ATRNL1: variants seen among roughly 807,000 people sequenced by gnomAD.
The protein encoded by ATRNL1 is attractin-like protein 1.
ATRNL1 carries 95 observed loss-of-function variants against 182.7 expected under a neutral mutation model. The observed-to-expected ratio is 0.52, with a 90% CI of 0.44 to 0.62. ATRNL1 has a LOEUF of 0.62. ATRNL1 is among the 20% of genes least tolerant of loss of function. The pLI is 0.00. For missense variants in ATRNL1, 1,471 were observed against 1,679.5 expected (o/e 0.88, Z 2.17); for synonymous variants, 576 against 568.3 (o/e 1.01, Z -0.19).
At chr10:115,853,346 ATGGTTTATAG>A (rs1271664055) in intron 28 of ATRNL1, among the ~76,000 whole-genome samples, 3 of 152,212 alleles carry the variant, frequency 2.0e-5, no homozygotes, top group Non-Finnish European at 4.4e-5. Flanking sequence ...AAAGATGTAG[ATGGTTTATAG>A]TGCCCCTATT....
At chr10:115,635,372 T>A (rs1219789749) in intron 26 of ATRNL1, among the ~76,000 whole-genome samples, 2 of 149,232 alleles carry the variant, frequency 1.3e-5, no homozygotes, top group Non-Finnish European at 3.0e-5. Context: ...AGACACCCAA[T>A]AGGCATATGT....
chr10:115,132,125 C>T (rs1845271426), intron 5 of ATRNL1, among the ~76,000 whole-genome samples: 1 of 151,398 alleles, frequency 6.6e-6, no homozygotes, highest in Admixed American at 6.6e-5. Flanking sequence ...GTTCCCCTTC[C>T]TGTGTCCAAG....
At chr10:115,601,377 A>T (rs1555015880) in intron 26 of ATRNL1, among the ~76,000 whole-genome samples, 1 of 152,200 alleles carries the variant, frequency 6.6e-6, no homozygotes, top group African/African-American at 2.4e-5. Context: ...TTGTAATGTC[A>T]ATTAGATTAG....
intron 28 of ATRNL1, among the ~76,000 whole-genome samples, chr10:115,899,156 T>A (rs1424603298): frequency 1.3e-5 from 2 of 152,124 alleles, no homozygotes; most frequent in Non-Finnish European, 2.9e-5. Context: ...CATTCCTGTG[T>A]CCAGGTGTTC....
At chr10:115,133,326 T>C (rs1233969550) in intron 5 of ATRNL1, among the ~76,000 whole-genome samples, 1 of 152,146 alleles carries the variant, frequency 6.6e-6, no homozygotes, top group Non-Finnish European at 1.5e-5. Context: ...GCTGTTTTGG[T>C]TACTATAGCC....
At chr10:115,861,808 T>C (rs1321250382) in intron 28 of ATRNL1, among the ~76,000 whole-genome samples, 3 of 152,108 alleles carry the variant, frequency 2.0e-5, no homozygotes, top group African/African-American at 7.2e-5. Flanking sequence ...TCTTTTTCCT[T>C]TTCTCAAAAA....
intron 28 of ATRNL1, among the ~76,000 whole-genome samples, chr10:115,888,453 C>G (rs1014637028): frequency 6.6e-6 from 1 of 152,132 alleles, no homozygotes; most frequent in African/African-American, 2.4e-5. Context: ...AGGTCCTTAC[C>G]GCTCTGGCTC....
chr10:115,244,260 G>T (rs1592314050), intron 10 of ATRNL1, among the ~76,000 whole-genome samples: 1 of 151,918 alleles, frequency 6.6e-6, no homozygotes, highest in African/African-American at 2.4e-5. Flanking sequence ...TTTTATTGTT[G>T]CAAAATGTAT....
intron 1 of ATRNL1, among the ~76,000 whole-genome samples, chr10:115,094,940 G>C (rs992109332): frequency 6.6e-6 from 1 of 152,208 alleles, no homozygotes; most frequent in Non-Finnish European, 1.5e-5. Context: ...TTCACTGTCA[G>C]CTTTTGTGCG....
rs566091561 is a variant in ATRNL1, at chr10:115,820,532, C to A, written c.3904-27345C>A. On this transcript the variant is annotated intron_variant, in intron 27 of 28. Transcript: ENST00000355044. ...GGATATTCGTGATTTAAAAACTGAT[C>A]TCTGATAGTTTGTTTTTTCCTAATG... 3.3e-5 allele frequency: 5 copies of A among 152,242 alleles called. No individual in the cohort carries two copies. The East Asian group carries it at 9.7e-4, about 29-fold the overall frequency. 9.4% of individuals were successfully genotyped at this position (152,242 alleles called of 1,614,324 possible). A position where few individuals can be genotyped will look rare whatever the true frequency, so the allele number is the denominator to read the frequency against.
At chr10:115,545,952 A>T (rs1554993553) in intron 25 of ATRNL1, among the ~76,000 whole-genome samples, 1 of 152,224 alleles carries the variant, frequency 6.6e-6, no homozygotes. Context: ...TAGACAGTTT[A>T]CTTCAACTCT....
At chr10:115,746,109 C>T (rs2134108165) in intron 27 of ATRNL1, among the ~76,000 whole-genome samples, 1 of 152,070 alleles carries the variant, frequency 6.6e-6, no homozygotes, top group Admixed American at 6.6e-5. Flanking sequence ...AGAGATAAGT[C>T]ATATCACTCA....
rs76608066 is a variant in ATRNL1, at chr10:115,880,799, T to C, written c.4018+32808T>C. On this transcript the variant is annotated intron_variant, in intron 28 of 28. Coordinates refer to ENST00000355044, the MANE Select transcript of ATRNL1 (RefSeq NM_207303.4). ...GTACGAGTAGTTAAACCCTTTATGC[T>C]CTTAAGTATTTATCTTGCTGCAATG... Among the ~76,000 whole-genome samples, 13 of 152,316 alleles carry C rather than the reference T, an allele frequency of 8.5e-5. No individual in the cohort carries two copies. In the East Asian group the frequency reaches 2.3e-3, roughly 27 times the overall value.
At chr10:115,632,028 A>G (rs190418124) in intron 26 of ATRNL1, among the ~76,000 whole-genome samples, 283 of 152,256 alleles carry the variant, frequency 1.9e-3, no homozygotes, top group Non-Finnish European at 2.2e-3. Flanking sequence ...ATGCTAGCTA[A>G]AAAGGATTCT....
intron 26 of ATRNL1, among the ~76,000 whole-genome samples, chr10:115,646,931 T>A (rs1859655310): frequency 7.1e-6 from 1 of 141,544 alleles, no homozygotes; most frequent in Non-Finnish European, 1.5e-5. Flanking sequence ...CTCCTAATGC[T>A]AGCCCTCCCC....
chr10:115,734,920 T>G (rs1292866784), intron 27 of ATRNL1, among the ~76,000 whole-genome samples: 1 of 152,156 alleles, frequency 6.6e-6, no homozygotes, highest in Non-Finnish European at 1.5e-5. Context: ...AGTCAAAAAT[T>G]AATGAACATT....
chr10:115,330,475 C>T (rs1855154402), intron 18 of ATRNL1, among the ~76,000 whole-genome samples: 2 of 151,886 alleles, frequency 1.3e-5, no homozygotes, highest in South Asian at 4.1e-4. Context: ...GTTCTGGTTG[C>T]AAGGGTTTTC....
At chr10:115,806,949 T>G (rs1949933448) in intron 27 of ATRNL1, among the ~76,000 whole-genome samples, 1 of 152,134 alleles carries the variant, frequency 6.6e-6, no homozygotes, top group South Asian at 2.1e-4. Flanking sequence ...AAAAATCATC[T>G]TACTTTAGCT....
At chr10:115,686,962 T>G (rs575016087) in intron 26 of ATRNL1, among the ~76,000 whole-genome samples, 12 of 152,170 alleles carry the variant, frequency 7.9e-5, no homozygotes, top group African/African-American at 2.4e-4. Context: ...CATGGAACTA[T>G]CGACAGAATC....
Sources: gnomAD v4.1 joint callset for allele counts (sites outside exome capture counted in the v4.1 genomes callset) on GRCh38, gnomAD v4.1.1 for gene constraint, MANE v1.5 for transcripts, NCBI Gene and HGNC (gene_info 2026-07-23, HGNC 2026-07-21) for gene names.